The following ACOT12 variants were observed in gnomAD, a reference collection of about 807,000 sequenced individuals.
ACOT12 encodes the protein acyl-CoA thioesterase 12, also known as acetyl-coenzyme A thioesterase.
Under a neutral mutation model 67.7 loss-of-function variants are expected in ACOT12, and 51 were observed. The ratio of observed to expected loss-of-function variants is 0.75; its 90% CI spans 0.60 to 0.95. ACOT12 has a LOEUF of 0.95. ACOT12 is among the 40% of genes least tolerant of loss of function. The pLI is 0.00. For missense variants in ACOT12, 734 were observed against 708.1 expected (o/e 1.04, Z -0.41); for synonymous variants, 251 against 244.6 (o/e 1.03, Z -0.24).
chr5:81,330,696 T>C, intron 14 of ACOT12, 118 bp downstream of exon 14: 2 of 1,517,760 alleles, frequency 1.3e-6, no homozygotes, highest in Non-Finnish European at 1.8e-6. Flanking sequence ...GACCTTAGGA[T>C]TCCCATAGTG....
intron 1 of ACOT12, among the ~76,000 whole-genome samples, chr5:81,392,810 T>C (rs1490523967): frequency 1.3e-5 from 2 of 152,082 alleles, no homozygotes; most frequent in Non-Finnish European, 2.9e-5. Context: ...GCAGGGAAGT[T>C]CCAAATCGAG....
chr5:81,309,109 T>C, the ACOT12 span: 1 of 1,140,120 alleles, frequency 8.8e-7, no homozygotes, highest in Non-Finnish European at 1.2e-6. Context: ...TTACACTCAA[T>C]CACAGTTCTT....
chr5:81,329,254 C>T (rs1758745779), downstream of ACOT12, among the ~76,000 whole-genome samples: 1 of 152,150 alleles, frequency 6.6e-6, no homozygotes, highest in Admixed American at 6.5e-5. Flanking sequence ...TAATGTAACT[C>T]CTTCATTACT....
At chr5:81,309,273 T>C in the ACOT12 span, 4 of 373,502 alleles carry the variant, frequency 1.1e-5, no homozygotes, top group Non-Finnish European at 1.9e-5. Context: ...TGTGCTTGCT[T>C]CATCATTTGT....
chr5:81,338,694 C>T (rs931346449), intron 11 of ACOT12, among the ~76,000 whole-genome samples: 2 of 152,164 alleles, frequency 1.3e-5, no homozygotes, highest in Admixed American at 6.5e-5. Context: ...CGAAATGAAG[C>T]TTAAAGCAAG....
intron 11 of ACOT12, among the ~76,000 whole-genome samples, chr5:81,341,887 C>T (rs749035940): frequency 6.6e-6 from 1 of 152,074 alleles, no homozygotes; most frequent in Non-Finnish European, 1.5e-5. Context: ...GGAAAGAAGA[C>T]CATGTGTAAA....
At chr5:81,332,186 C>T (rs1758849267) in intron 13 of ACOT12, among the ~76,000 whole-genome samples, 1 of 152,176 alleles carries the variant, frequency 6.6e-6, no homozygotes, top group African/African-American at 2.4e-5. Flanking sequence ...GCTTCCACGA[C>T]ATTTTTACTA....
Position 81,347,921 on chromosome 5 carries a change from A to G in ACOT12, c.506T>C (p.Phe169Ser). The G allele has an allele frequency of 6.2e-7, 1 of 1,613,498 alleles. No individual in the cohort carries two copies. The highest frequency in any genetic ancestry group is 1.3e-5 in the African/African-American group (1 of 75,056). ...KESSKFDDLI[F>S]DEEEGAVSTR... ...GGAAACCGCTCCTTCCTCTTCATCA[A>G]AAATGAGATCTGAAAGGTGGATGTA... is the stretch of plus-strand genomic sequence containing the variant. Residue 169 changes from phenylalanine to serine, a missense_variant, in exon 6 of 15, where the codon TTT becomes TCT. By Grantham distance (155) the Phe-to-Ser change is radical. Transcript: ENST00000307624.
intron 3 of ACOT12, among the ~76,000 whole-genome samples, chr5:81,364,740 A>T (rs1417554417): frequency 6.6e-6 from 1 of 152,154 alleles, no homozygotes; most frequent in Non-Finnish European, 1.5e-5. Context: ...TCCAATTTTT[A>T]AAAATTTGGC....
intron 5 of ACOT12, among the ~76,000 whole-genome samples, chr5:81,349,924 A>G (rs955474989): frequency 6.6e-6 from 1 of 152,216 alleles, no homozygotes; most frequent in African/African-American, 2.4e-5. Flanking sequence ...GAAGTATCAG[A>G]CACTCAACTA....
chr5:81,312,877 A>G, the ACOT12 span: 118 of 353,468 alleles, frequency 3.3e-4, no homozygotes, highest in Admixed American at 6.5e-4. Flanking sequence ...AGATGATTAA[A>G]TGAATTCTCT....
intron 11 of ACOT12, among the ~76,000 whole-genome samples, chr5:81,342,015 G>T (rs1393406877): frequency 6.6e-6 from 1 of 152,124 alleles, no homozygotes; most frequent in Non-Finnish European, 1.5e-5. Flanking sequence ...TTTAGAGACA[G>T]AGTCTTGCTC....
intron 5 of ACOT12, among the ~76,000 whole-genome samples, chr5:81,354,837 G>A (rs1759661200): frequency 6.6e-6 from 1 of 151,996 alleles, no homozygotes; most frequent in South Asian, 2.1e-4. Context: ...CTGAGTAGCT[G>A]GGATTACAGT....
At chr5:81,388,061 C>T (rs1760776270) in intron 1 of ACOT12, among the ~76,000 whole-genome samples, 1 of 152,036 alleles carries the variant, frequency 6.6e-6, no homozygotes, top group Non-Finnish European at 1.5e-5. Flanking sequence ...ATGTCGATTA[C>T]ATGAAGTTGG....
chr5:81,371,787 T>C lies in ACOT12; in HGVS notation c.221A>G (p.Lys74Arg). The change falls in exon 3 of 15, where the codon AAA becomes AGA. Residue 74 changes from lysine to arginine, a missense_variant. Transcript: ENST00000307624. ...GCTGAATGCTCTAGTAACTTTTGCTTTGATGGTTATAACTTGTCCAACTCT... is the reference window on the plus strand; with the variant it reads ...GCTGAATGCTCTAGTAACTTTTGCTCTGATGGTTATAACTTGTCCAACTCT... ...TARVGQVITI[K>R]AKVTRAFSTS... 1 of 1,614,138 alleles carries C rather than the reference T, an allele frequency of 6.2e-7. No individual in the cohort carries two copies. The highest frequency in any genetic ancestry group is 8.5e-7 in the Non-Finnish European group (1 of 1,180,000).
intron 12 of ACOT12, among the ~76,000 whole-genome samples, chr5:81,335,438 C>T (rs1421753149): frequency 1.3e-5 from 2 of 152,146 alleles, no homozygotes; most frequent in African/African-American, 2.4e-5. Context: ...GATCTTGGCT[C>T]ACTGTAGCCT....
At chr5:81,346,094 C>A (rs913137931) in intron 6 of ACOT12, 90 bp from the exon 7 acceptor site, 1 of 1,543,016 alleles carries the variant, frequency 6.5e-7, no homozygotes, top group South Asian at 1.2e-5. Flanking sequence ...ATAAGCATTT[C>A]TTTAAATTTG....
chr5:81,377,909 G>C (rs1285038338), intron 2 of ACOT12, among the ~76,000 whole-genome samples: 6 of 152,098 alleles, frequency 3.9e-5, no homozygotes, highest in Non-Finnish European at 8.8e-5. Context: ...TGGCCATACT[G>C]CCCAAAGTAA....
At position 81,344,911 on chromosome 5, in the gene ACOT12, T is replaced by G. The variant is rs1207001588; in HGVS notation, c.904A>C (p.Arg302=). 5 of 1,614,182 alleles carry G rather than the reference T, an allele frequency of 3.1e-6. No homozygotes were observed. The highest frequency in any genetic ancestry group is 4.2e-6 in the Non-Finnish European group (5 of 1,180,034). ...CTGACCTTTGAAATGGGTTGGATTC[T>G]GGGAAACGTGATGAGATTTTCCTTA... is the stretch of plus-strand genomic sequence containing the variant. ...DDKENLITFP[R]IQPISKDDFR... The change falls in exon 8 of 15, where the codon AGA becomes CGA. Residue 302 remains arginine (R), a synonymous_variant. Coordinates refer to ENST00000307624, the MANE Select transcript of ACOT12 (RefSeq NM_130767.3).
Sources: allele counts gnomAD v4.1 joint callset (sites outside exome capture counted in the v4.1 genomes callset), GRCh38; gene constraint gnomAD v4.1.1; transcripts MANE v1.5; gene names NCBI Gene and HGNC (gene_info 2026-07-23, HGNC 2026-07-21).